Variants in ERC2 observed in about 807,000 individuals in gnomAD.
The protein encoded by ERC2 is ELKS/RAB6-interacting/CAST family member 2.
ERC2 carries 42 observed loss-of-function variants against 114.8 expected under a neutral mutation model. That is an observed-to-expected ratio of 0.37 (90% CI 0.29 to 0.47). The LOEUF (loss-of-function observed/expected upper bound fraction) is 0.47. ERC2 is among the 20% of genes least tolerant of loss of function. ERC2 has a pLI of 0.99. For missense variants in ERC2, 939 were observed against 1,150.7 expected, an observed-to-expected ratio of 0.82 and a Z score of 2.66; for synonymous variants, 454 against 425.5, an observed-to-expected ratio of 1.07 and a Z score of -0.82.
chr3:56,254,156 T>G (rs927047616), intron 3 of ERC2, among the ~76,000 whole-genome samples: 6 of 152,250 alleles, frequency 3.9e-5, no homozygotes, highest in African/African-American at 1.4e-4. Context: ...AATTGCTTTA[T>G]GTCGTCCCCT....
chr3:56,332,475 C>T (rs558703033), intron 2 of ERC2, among the ~76,000 whole-genome samples: 1 of 152,292 alleles, frequency 6.6e-6, no homozygotes, highest in South Asian at 2.1e-4. Flanking sequence ...AAGTAATACG[C>T]CCAACAACAC....
At chr3:55,616,399 T>C (rs2059123992) in intron 17 of ERC2, among the ~76,000 whole-genome samples, 1 of 152,212 alleles carries the variant, frequency 6.6e-6, no homozygotes, top group African/African-American at 2.4e-5. Context: ...GATTTTCTCA[T>C]TTTATACAGA....
intron 15 of ERC2, among the ~76,000 whole-genome samples, chr3:55,726,569 A>G (rs1227869189): frequency 1.3e-5 from 2 of 152,220 alleles, no homozygotes; most frequent in Non-Finnish European, 2.9e-5. Context: ...ATTCCAGGGC[A>G]GCCTCTGCCT....
chr3:56,422,451 G>A (rs1172106500), intron 2 of ERC2, among the ~76,000 whole-genome samples: 1 of 152,104 alleles, frequency 6.6e-6, no homozygotes, highest in Admixed American at 6.5e-5. Flanking sequence ...TTCCAAGACA[G>A]GAGTGTTCCT....
At chr3:55,660,566 G>C (rs376474475) in intron 17 of ERC2, among the ~76,000 whole-genome samples, 1 of 150,750 alleles carries the variant, frequency 6.6e-6, no homozygotes, top group Non-Finnish European at 1.5e-5. Flanking sequence ...TATTCCAAGG[G>C]CATTAAAACA....
intron 16 of ERC2, among the ~76,000 whole-genome samples, chr3:55,685,526 T>C (rs1208632227): frequency 6.6e-6 from 1 of 152,158 alleles, no homozygotes; most frequent in Non-Finnish European, 1.5e-5. Context: ...AAAAGAAACT[T>C]TGATGCTCCT....
At chr3:56,145,913 C>A (rs913269027) in intron 5 of ERC2, among the ~76,000 whole-genome samples, 1 of 152,112 alleles carries the variant, frequency 6.6e-6, no homozygotes, top group Non-Finnish European at 1.5e-5. Context: ...TTCTTTCCCT[C>A]CAATCTACAT....
chr3:55,901,513 C>G (rs973855532), intron 13 of ERC2, among the ~76,000 whole-genome samples: 3 of 152,146 alleles, frequency 2.0e-5, no homozygotes, highest in African/African-American at 7.2e-5. Flanking sequence ...TATTCTTTGC[C>G]GCACAGTCCC....
chr3:55,960,466 C>T (rs1488227080), intron 12 of ERC2, among the ~76,000 whole-genome samples: 1 of 152,192 alleles, frequency 6.6e-6, no homozygotes, highest in Non-Finnish European at 1.5e-5. Flanking sequence ...AATGCCTCCT[C>T]AGAAGGCCCT....
chr3:55,935,691 C>T (rs2066397191), intron 13 of ERC2, among the ~76,000 whole-genome samples: 1 of 152,214 alleles, frequency 6.6e-6, no homozygotes, highest in Non-Finnish European at 1.5e-5. Context: ...ATGTGCCCTA[C>T]ATGTGTGCAT....
At chr3:56,344,467 A>G (rs2150504391) in intron 2 of ERC2, among the ~76,000 whole-genome samples, 1 of 152,190 alleles carries the variant, frequency 6.6e-6, no homozygotes, top group Admixed American at 6.5e-5. Context: ...TGTCTGCACC[A>G]TTGCTCAGGG....
In ERC2 at chr3:55,888,431, C is replaced by T. The variant is rs772063893; in HGVS notation, c.2522G>A (p.Arg841Gln). The change falls in exon 14 of 18, where the codon CGG becomes CAG. Residue 841 changes from arginine to glutamine, a missense_variant. Arg to Gln is a conservative substitution (Grantham distance 43). This residue lies in a region of ERC2 where 328 missense variants were observed against 353.9 expected (regional missense o/e 0.93). Coordinates refer to ENST00000288221, the MANE Select transcript of ERC2 (RefSeq NM_015576.3). ...AEKEAHLANL[R>Q]IERRKQLEEI... ...CTCCAGCTGTTTCCTCCTCTCAATC[C>T]GGAGGTTGGCCAAGTGCGCTTCTTT... 7 of 1,613,726 alleles carry T rather than the reference C, an allele frequency of 4.3e-6. No homozygotes were observed. The highest frequency in any genetic ancestry group is 2.2e-5 in the South Asian group (2 of 91,062).
intron 12 of ERC2, among the ~76,000 whole-genome samples, chr3:55,959,385 G>C (rs568331950): frequency 3.3e-5 from 5 of 152,290 alleles, no homozygotes; most frequent in African/African-American, 1.2e-4. Flanking sequence ...CCAATGCTAA[G>C]AAATGATAGA....
intron 11 of ERC2, among the ~76,000 whole-genome samples, chr3:55,986,785 C>A (rs2070675686): frequency 6.6e-6 from 1 of 151,258 alleles, no homozygotes; most frequent in East Asian, 1.9e-4. Context: ...ACAATAATCT[C>A]TATTGTCAAG....
intron 2 of ERC2, 188 bp downstream of exon 2, chr3:56,434,163 G>A (rs2061915961): frequency 3.7e-6 from 2 of 534,412 alleles, no homozygotes; most frequent in Non-Finnish European, 3.3e-6. Flanking sequence ...CGGAAAATAA[G>A]GAAATTACAA....
chr3:55,773,066 T>C (rs1291210369), intron 14 of ERC2, among the ~76,000 whole-genome samples: 1 of 152,222 alleles, frequency 6.6e-6, no homozygotes, highest in Non-Finnish European at 1.5e-5. Flanking sequence ...AGGGATCCTG[T>C]TAAAATGTTA....
chr3:56,287,674 G>T (rs752114571), intron 3 of ERC2, among the ~76,000 whole-genome samples: 5 of 152,188 alleles, frequency 3.3e-5, no homozygotes, highest in African/African-American at 1.2e-4. Context: ...CTAGTCTGTG[G>T]TCTACTCTGG....
At chr3:56,033,029 ACAGAAAG>A (rs2074549414) in intron 7 of ERC2, among the ~76,000 whole-genome samples, 7 of 56,252 alleles carry the variant, frequency 1.2e-4, no homozygotes, top group African/African-American at 3.8e-4. Context: ...GAAAAAAGAA[ACAGAAAG>A]AAAGAAAGAA....
At chr3:55,646,062 T>A (rs764778660) in intron 17 of ERC2, among the ~76,000 whole-genome samples, 1 of 152,204 alleles carries the variant, frequency 6.6e-6, no homozygotes, top group Non-Finnish European at 1.5e-5. Flanking sequence ...CCAAACCAAT[T>A]TCACAACGCC....
Sources: allele counts gnomAD v4.1 joint callset (sites outside exome capture counted in the v4.1 genomes callset), GRCh38; gene constraint gnomAD v4.1.1; regional missense constraint gnomAD v4.1.1; transcripts MANE v1.5; gene names NCBI Gene and HGNC (gene_info 2026-07-23, HGNC 2026-07-21).